The following PABPC4L variants were observed in gnomAD, a reference collection of about 807,000 sequenced individuals.
PABPC4L encodes the protein polyadenylate-binding protein 4-like.
For synonymous variants in PABPC4L, 169 were observed against 164.1 expected (o/e 1.03, Z -0.23); for missense variants, 452 against 451.4 (o/e 1.00, Z -0.01).
At chr4:134,108,101 C>A in the PABPC4L span, among the ~76,000 whole-genome samples, 1 of 151,552 alleles carries the variant, frequency 6.6e-6, no homozygotes, top group South Asian at 2.1e-4. Context: ...GAAAGATGGT[C>A]TAACAATGTT....
the PABPC4L span, among the ~76,000 whole-genome samples, chr4:134,060,590 C>G: frequency 2.6e-5 from 4 of 151,820 alleles, no homozygotes; most frequent in South Asian, 2.1e-4. Context: ...TCTAGGCATA[C>G]CCTGCACCAG....
the PABPC4L span, among the ~76,000 whole-genome samples, chr4:134,051,616 GA>G: frequency 1.6e-4 from 25 of 152,000 alleles, no homozygotes; most frequent in African/African-American, 5.8e-4. Flanking sequence ...TTTAGGCATT[GA>G]AAAAATCTTT....
At chr4:133,964,974 C>T in the PABPC4L span, among the ~76,000 whole-genome samples, 4 of 152,012 alleles carry the variant, frequency 2.6e-5, no homozygotes, top group South Asian at 6.2e-4. Flanking sequence ...CCAGAGCAAT[C>T]AGAGAAGAGA....
the PABPC4L span, among the ~76,000 whole-genome samples, chr4:134,094,432 T>C: frequency 3.9e-5 from 6 of 152,038 alleles, no homozygotes; most frequent in East Asian, 9.7e-4. Flanking sequence ...ATATACTCTA[T>C]ATCATTTTTT....
chr4:134,129,381 C>G, the PABPC4L span, among the ~76,000 whole-genome samples: 1 of 152,142 alleles, frequency 6.6e-6, no homozygotes, highest in South Asian at 2.1e-4. Context: ...ACATTCTATT[C>G]ATCAGCACAC....
the PABPC4L span, among the ~76,000 whole-genome samples, chr4:134,110,751 T>C: frequency 0.013 from 1,929 of 152,090 alleles, 43 homozygotes; most frequent in African/African-American, 0.041. Context: ...ATCTCTAGAT[T>C]ACTTATAATG....
chr4:133,950,376 G>A, the PABPC4L span, among the ~76,000 whole-genome samples: 1 of 152,124 alleles, frequency 6.6e-6, no homozygotes, highest in South Asian at 2.1e-4. Context: ...AACCCGGGAG[G>A]TTTTCCTTCA....
At chr4:134,048,116 G>A in the PABPC4L span, among the ~76,000 whole-genome samples, 16 of 151,872 alleles carry the variant, frequency 1.1e-4, no homozygotes, top group South Asian at 2.7e-3. Context: ...GCCCTTCAAG[G>A]CACTATTTTA....
At chr4:134,112,743 G>A in the PABPC4L span, among the ~76,000 whole-genome samples, 25 of 151,818 alleles carry the variant, frequency 1.6e-4, no homozygotes, top group African/African-American at 5.8e-4. Flanking sequence ...ACATATATTT[G>A]TAGGTGATTT....
the PABPC4L span, among the ~76,000 whole-genome samples, chr4:134,185,289 T>C: frequency 3.3e-5 from 5 of 152,020 alleles, no homozygotes; most frequent in African/African-American, 1.2e-4. Flanking sequence ...AAATCCTCAA[T>C]AAAATACTGG....
the PABPC4L span, among the ~76,000 whole-genome samples, chr4:134,169,095 C>T: frequency 6.6e-6 from 1 of 151,964 alleles, no homozygotes; most frequent in African/African-American, 2.4e-5. Context: ...ATTCAAAAGA[C>T]CATTAACCAT....
chr4:134,089,668 A>C, the PABPC4L span, among the ~76,000 whole-genome samples: 1 of 151,490 alleles, frequency 6.6e-6, no homozygotes, highest in South Asian at 2.1e-4. Flanking sequence ...GCACTTATAC[A>C]TTTTTTTTTC....
At chr4:134,070,937 TCTC>T in the PABPC4L span, among the ~76,000 whole-genome samples, 1 of 152,020 alleles carries the variant, frequency 6.6e-6, no homozygotes, top group South Asian at 2.1e-4. Context: ...ATGGCTAAAG[TCTC>T]CTAGAGGAGC....
At chr4:134,135,375 C>A in the PABPC4L span, among the ~76,000 whole-genome samples, 10 of 152,092 alleles carry the variant, frequency 6.6e-5, no homozygotes, top group Non-Finnish European at 1.5e-4. Context: ...GTCTTTACCC[C>A]CTTTCTTCCA....
chr4:134,054,238 C>A, the PABPC4L span, among the ~76,000 whole-genome samples: 4 of 91,820 alleles, frequency 4.4e-5, no homozygotes, highest in Admixed American at 1.3e-4. Flanking sequence ...AAAGAGACTA[C>A]TTTAGTTGTA....
At chr4:134,030,493 A>G in the PABPC4L span, among the ~76,000 whole-genome samples, 4 of 151,956 alleles carry the variant, frequency 2.6e-5, no homozygotes, top group Non-Finnish European at 4.4e-5. Context: ...TCACATATCA[A>G]TCCACCTCTT....
chr4:134,164,497 G>T, the PABPC4L span, among the ~76,000 whole-genome samples: 1 of 151,914 alleles, frequency 6.6e-6, no homozygotes, highest in Non-Finnish European at 1.5e-5. Context: ...ACCAAGCTGA[G>T]AATCAAACAA....
chr4:134,109,587 A>T, the PABPC4L span, among the ~76,000 whole-genome samples: 3 of 152,108 alleles, frequency 2.0e-5, no homozygotes, highest in South Asian at 6.2e-4. Context: ...AACTTTGAAA[A>T]ATTCAAGAAA....
At chr4:134,095,659 C>T in the PABPC4L span, among the ~76,000 whole-genome samples, 1 of 151,876 alleles carries the variant, frequency 6.6e-6, no homozygotes, top group Non-Finnish European at 1.5e-5. Context: ...TTCATAAGCC[C>T]TTCAATGTTA....
Sources: allele counts gnomAD v4.1 joint callset (sites outside exome capture counted in the v4.1 genomes callset), GRCh38; gene constraint gnomAD v4.1.1; transcripts MANE v1.5; gene names NCBI Gene and HGNC (gene_info 2026-07-23, HGNC 2026-07-21).